Variants in NMNAT2 observed in about 807,000 individuals in gnomAD.
NMNAT2 encodes the protein nicotinamide/nicotinic acid mononucleotide adenylyltransferase 2.
In NMNAT2, 11 loss-of-function variants were observed where a neutral mutation model predicts 41.6. The ratio of observed to expected loss-of-function variants is 0.26; its 90% CI spans 0.17 to 0.44. The LOEUF (loss-of-function observed/expected upper bound fraction) is 0.44, where lower values mean the gene tolerates loss of function less well. NMNAT2 is among the 20% of genes least tolerant of loss of function. The probability of loss-of-function intolerance (pLI) is 1.00; values close to 1 mark genes in which losing one functional copy is unlikely to be tolerated. For missense variants in NMNAT2, 288 were observed against 407.7 expected, an observed-to-expected ratio of 0.71 and a Z score of 2.53; for synonymous variants, 148 against 151.2, an observed-to-expected ratio of 0.98 and a Z score of 0.16.
chr1:183,255,977 T>C (rs2102274981), intron 10 of NMNAT2, among the ~76,000 whole-genome samples: 1 of 152,272 alleles, frequency 6.6e-6, no homozygotes, highest in Non-Finnish European at 1.5e-5. Flanking sequence ...TAACTGCTAT[T>C]GATAGTACTT....
In NMNAT2 at chr1:183,282,266, T is replaced by A. The variant is rs568572782; in HGVS notation, c.574+1729A>T. On this transcript the variant is annotated intron_variant, in intron 7 of 10. Transcript: ENST00000287713. ...AGGGAAGCCAGAGGTGAGAGGTCAC[T>A]CCCCAGCAGCATTTTTGGTCCCTGG... Among the ~76,000 whole-genome samples, 41 of 152,302 alleles carry A rather than the reference T, an allele frequency of 2.7e-4. No individual in the cohort carries two copies. In the East Asian group the frequency reaches 5.6e-3, roughly 21 times the overall value.
At chr1:183,305,612 C>T (rs1012126156) in intron 1 of NMNAT2, among the ~76,000 whole-genome samples, 2 of 151,054 alleles carry the variant, frequency 1.3e-5, no homozygotes, top group African/African-American at 2.4e-5. Flanking sequence ...TTCCTTTTTG[C>T]GAAGGTGTGG....
At chr1:183,334,725 G>C (rs1662649460) in intron 1 of NMNAT2, among the ~76,000 whole-genome samples, 1 of 151,974 alleles carries the variant, frequency 6.6e-6, no homozygotes, top group African/African-American at 2.4e-5. Flanking sequence ...GGCCAGGCTG[G>C]TCTCGAACTC....
chr1:183,371,641 T>A (rs1035227456), intron 1 of NMNAT2, among the ~76,000 whole-genome samples: 2 of 152,124 alleles, frequency 1.3e-5, no homozygotes, highest in African/African-American at 2.4e-5. Context: ...AACATTTTTT[T>A]AAAAAAGGAG....
chr1:183,393,808 G>A (rs569257140), intron 1 of NMNAT2, among the ~76,000 whole-genome samples: 2 of 152,072 alleles, frequency 1.3e-5, no homozygotes, highest in East Asian at 1.9e-4. Context: ...CTCCCGCCTC[G>A]GCCTTCCAAA....
chr1:183,376,657 G>C (rs1457787985), intron 1 of NMNAT2, among the ~76,000 whole-genome samples: 1 of 151,958 alleles, frequency 6.6e-6, no homozygotes, highest in African/African-American at 2.4e-5. Context: ...TTTTAATTTT[G>C]CTGTCCCATA....
At chr1:183,361,405 G>C (rs1663305175) in intron 1 of NMNAT2, among the ~76,000 whole-genome samples, 1 of 152,162 alleles carries the variant, frequency 6.6e-6, no homozygotes, top group South Asian at 2.1e-4. Flanking sequence ...ATAGCTGTGT[G>C]ACTTTGGGCA....
chr1:183,262,273 T>C (rs1030427044), intron 8 of NMNAT2, among the ~76,000 whole-genome samples: 1 of 147,902 alleles, frequency 6.8e-6, no homozygotes, highest in African/African-American at 2.5e-5. Context: ...TTTTATTTTC[T>C]GACTGTAGAT....
chr1:183,357,219 CTTTTTTTTTTTTTT>C (rs11343113), intron 1 of NMNAT2, among the ~76,000 whole-genome samples: 5 of 71,600 alleles, frequency 7.0e-5, no homozygotes, highest in Admixed American at 1.6e-4. Flanking sequence ...ACATCAAATT[CTTTTTTTTTTTTTT>C]TTTTTTTTTT....
At chr1:183,272,982 C>A (rs1661023957) in intron 8 of NMNAT2, among the ~76,000 whole-genome samples, 1 of 152,214 alleles carries the variant, frequency 6.6e-6, no homozygotes, top group Non-Finnish European at 1.5e-5. Flanking sequence ...TGCCTCCCTG[C>A]ATATTTTAAG....
intron 4 of NMNAT2, among the ~76,000 whole-genome samples, chr1:183,289,623 G>A (rs1023908683): frequency 9.9e-5 from 15 of 152,240 alleles, no homozygotes; most frequent in Non-Finnish European, 4.4e-5. Context: ...GAGGAGGAAT[G>A]GGTGGGAATG....
intron 10 of NMNAT2, among the ~76,000 whole-genome samples, chr1:183,258,693 C>T (rs755638696): frequency 6.6e-6 from 1 of 152,142 alleles, no homozygotes; most frequent in Non-Finnish European, 1.5e-5. Context: ...TAAACTGCTC[C>T]TAAGATCAGT....
intron 1 of NMNAT2, among the ~76,000 whole-genome samples, chr1:183,398,556 G>T (rs183815817): frequency 2.6e-5 from 4 of 151,922 alleles, no homozygotes; most frequent in Admixed American, 6.6e-5. Context: ...CTGCACCAAG[G>T]GGACCTAATA....
intron 1 of NMNAT2, among the ~76,000 whole-genome samples, chr1:183,303,868 C>G (rs1450629294): frequency 6.6e-6 from 1 of 152,256 alleles, no homozygotes; most frequent in Non-Finnish European, 1.5e-5. Flanking sequence ...CCAATAAATA[C>G]AGGCTAGTTA....
At chr1:183,337,111 A>T (rs1316540033) in intron 1 of NMNAT2, among the ~76,000 whole-genome samples, 6 of 152,170 alleles carry the variant, frequency 3.9e-5, no homozygotes, top group Admixed American at 2.0e-4. Flanking sequence ...TTGATTGGAG[A>T]GTTGGTTACA....
chr1:183,318,804 T>C (rs1662304657), intron 1 of NMNAT2, among the ~76,000 whole-genome samples: 2 of 152,208 alleles, frequency 1.3e-5, no homozygotes, highest in African/African-American at 4.8e-5. Flanking sequence ...GTTTGGGGCC[T>C]GGGAGCCTGG....
intron 7 of NMNAT2, 146 bp from the exon 8 acceptor site, chr1:183,278,775 G>A (rs944343673): frequency 6.1e-6 from 4 of 650,422 alleles, no homozygotes; most frequent in Non-Finnish European, 1.1e-5. Context: ...CTGCCCCTGA[G>A]TGTGTGCAGA....
intron 3 of NMNAT2, among the ~76,000 whole-genome samples, chr1:183,292,080 A>G (rs1571578158): frequency 6.6e-6 from 1 of 152,166 alleles, no homozygotes; most frequent in African/African-American, 2.4e-5. Flanking sequence ...TTATTTTTCC[A>G]TAGTGGGGGA....
At chr1:183,255,659 AGGGTTTTTT>A (rs57284446) in intron 10 of NMNAT2, among the ~76,000 whole-genome samples, 5,498 of 130,700 alleles carry the variant, frequency 0.042, 359 homozygotes, top group African/African-American at 0.14. Flanking sequence ...TTTATTCCTA[AGGGTTTTTT>A]TTTTTTTTTT....
Sources: gnomAD v4.1 joint callset for allele counts (sites outside exome capture counted in the v4.1 genomes callset) on GRCh38, gnomAD v4.1.1 for gene constraint, MANE v1.5 for transcripts, NCBI Gene and HGNC (gene_info 2026-07-23, HGNC 2026-07-21) for gene names.